KDM5A: variants seen among roughly 807,000 people sequenced by gnomAD.
The protein encoded by KDM5A is lysine-specific demethylase 5A.
In KDM5A, 42 loss-of-function variants were observed where a neutral mutation model predicts 193.5. The ratio of observed to expected loss-of-function variants is 0.22; its 90% CI spans 0.17 to 0.28. The LOEUF is 0.28. Among genes scored for constraint, KDM5A ranks in the 10% least tolerant of loss-of-function variants. The pLI, the probability that KDM5A is intolerant of heterozygous loss-of-function variation, is 1.00. For synonymous variants in KDM5A, 796 were observed against 718.1 expected, an observed-to-expected ratio of 1.11 and a Z score of -1.73; for missense variants, 1,692 against 2,055.1, an observed-to-expected ratio of 0.82 and a Z score of 3.42.
intron 8 of KDM5A, among the ~76,000 whole-genome samples, chr12:353,073 A>G (rs554510413): frequency 2.4e-4 from 37 of 152,320 alleles, no homozygotes; most frequent in African/African-American, 8.9e-4. Context: ...GGCCCGGCAC[A>G]GTGGCTCGTG....
chr12:363,378 C>A (rs2137467393), intron 4 of KDM5A, among the ~76,000 whole-genome samples: 1 of 152,230 alleles, frequency 6.6e-6, no homozygotes, highest in Non-Finnish European at 1.5e-5. Context: ...TACCATAAAG[C>A]TACAGTACTC....
At chr12:329,083 G>A in intron 13 of KDM5A, 54 bp from the exon 14 acceptor site, 2 of 1,459,300 alleles carry the variant, frequency 1.4e-6, no homozygotes, top group South Asian at 2.3e-5. Context: ...TCCCAGCACA[G>A]AACCACTACT....
chr12:384,414 G>A (rs1944614933), intron 2 of KDM5A, among the ~76,000 whole-genome samples: 2 of 152,076 alleles, frequency 1.3e-5, no homozygotes. Flanking sequence ...GATCTGAGGT[G>A]GAACAGTTTC....
rs549013512 is a variant in KDM5A at position 381,195 on chromosome 12, TGTTGGTTGG to T, written c.366+2827_366+2835del. ...TTTTAGTAGAGACGAGGTTTCTCCA[TGTTGGTTGG>T]GTTGGTCTCGAACTCCCGACCTCAA... On this transcript the variant is annotated intron_variant, in intron 3 of 27. Transcript: ENST00000399788. 3.0e-3 allele frequency among the ~76,000 whole-genome samples: 451 copies of T among 152,188 alleles called. 1 individual carries two copies. The highest frequency in any genetic ancestry group is 0.01 in the African/African-American group (431 of 41,522).
chr12:365,227 T>C (rs929804925), intron 4 of KDM5A, among the ~76,000 whole-genome samples: 1 of 152,088 alleles, frequency 6.6e-6, no homozygotes, highest in African/African-American at 2.4e-5. Context: ...TAATTTTTTG[T>C]ATTTTTAGTA....
intron 10 of KDM5A, among the ~76,000 whole-genome samples, chr12:347,673 T>C (rs1456735610): frequency 6.6e-6 from 1 of 152,220 alleles, no homozygotes; most frequent in African/African-American, 2.4e-5. Flanking sequence ...AAGGATTCCC[T>C]ATTTAATAAA....
At chr12:304,425 G>A (rs1220341387) in intron 24 of KDM5A, among the ~76,000 whole-genome samples, 4 of 142,536 alleles carry the variant, frequency 2.8e-5, no homozygotes, top group East Asian at 2.0e-4. Flanking sequence ...TGCTCTGTGG[G>A]AAAATGCTCA....
chr12:351,824 C>T (rs1463788230), intron 9 of KDM5A, among the ~76,000 whole-genome samples: 1 of 151,726 alleles, frequency 6.6e-6, no homozygotes, highest in Admixed American at 6.6e-5. Context: ...CAAAAATTGG[C>T]TGGGCGCAGT....
chr12:377,759 T>G (rs1200348662), intron 3 of KDM5A, among the ~76,000 whole-genome samples: 1 of 151,964 alleles, frequency 6.6e-6, no homozygotes, highest in Non-Finnish European at 1.5e-5. Flanking sequence ...AAAGGAAGAC[T>G]TACAACAAGG....
At chr12:371,591 C>G (rs1424687825) in intron 3 of KDM5A, among the ~76,000 whole-genome samples, 1 of 152,132 alleles carries the variant, frequency 6.6e-6, no homozygotes, top group Non-Finnish European at 1.5e-5. Flanking sequence ...TTTTGTTGTG[C>G]AGAAGTTCTT....
intron 19 of KDM5A, among the ~76,000 whole-genome samples, chr12:315,886 C>T (rs1418647437): frequency 6.6e-6 from 1 of 151,964 alleles, no homozygotes; most frequent in African/African-American, 2.4e-5. Flanking sequence ...ATCTAACAGG[C>T]GGATGATATT....
intron 19 of KDM5A, among the ~76,000 whole-genome samples, chr12:314,567 A>G (rs114213007): frequency 0.04 from 6,115 of 152,192 alleles, 379 homozygotes; most frequent in African/African-American, 0.13. Flanking sequence ...TGTAATGATA[A>G]ATGAAAGTAA....
intron 6 of KDM5A, among the ~76,000 whole-genome samples, chr12:355,969 C>T (rs1277295312): frequency 6.6e-6 from 1 of 152,182 alleles, no homozygotes; most frequent in Non-Finnish European, 1.5e-5. Context: ...CCGAGAGTAA[C>T]AGACTTACTA....
At chr12:304,497 G>A (rs1485025343) in intron 24 of KDM5A, among the ~76,000 whole-genome samples, 1 of 134,722 alleles carries the variant, frequency 7.4e-6, no homozygotes, top group East Asian at 2.3e-4. Flanking sequence ...AAAGTAAATT[G>A]GCAGGGGTAT....
At chr12:332,911 G>A (rs1943882019) in intron 12 of KDM5A, among the ~76,000 whole-genome samples, 1 of 152,128 alleles carries the variant, frequency 6.6e-6, no homozygotes, top group Non-Finnish European at 1.5e-5. Context: ...TTCAAAGTAG[G>A]ATGTAATATT....
At chr12:341,939 A>T (rs1159782671) in intron 10 of KDM5A, among the ~76,000 whole-genome samples, 1 of 148,154 alleles carries the variant, frequency 6.7e-6, no homozygotes, top group Non-Finnish European at 1.5e-5. Context: ...GGGGGAAAAA[A>T]AGACATGGGA....
chr12:369,492 G>A lies in KDM5A; in HGVS notation c.367-3388C>T, dbSNP rs189242521. On this transcript the variant is annotated intron_variant, in intron 3 of 27. Transcript: ENST00000399788. ...GAACATAATATATAAATTTTGAAGG[G>A]ATAAATATTGTAGAAGAAATTAAAA... is the stretch of plus-strand genomic sequence containing the variant. 2.0e-5 allele frequency among the ~76,000 whole-genome samples: 3 copies of A among 152,176 alleles called. No individual in the cohort carries two copies. In the East Asian group the frequency reaches 5.8e-4, roughly 29 times the overall value.
At chr12:288,994 C>T (rs1224629330) in intron 27 of KDM5A, among the ~76,000 whole-genome samples, 3 of 152,174 alleles carry the variant, frequency 2.0e-5, no homozygotes, top group Non-Finnish European at 4.4e-5. Context: ...GAGATATGAA[C>T]TAGTAAAGCC....
chr12:284,016 C>G lies in KDM5A; in HGVS notation c.*1440G>C, dbSNP rs1943186574. On this transcript the variant is annotated 3_prime_UTR_variant, in exon 28 of 28. Transcript: ENST00000399788. ...TTTCCCAACAGACAGGGACAAGTCC[C>G]AACACACAAAGGACATATAATTATC... 8.6e-6 allele frequency: 2 copies of G among 232,944 alleles called. No individual in the cohort carries two copies. Among genetic ancestry groups the G allele is most frequent in the Non-Finnish European group, 1.7e-5 (2 of 117,832 alleles). 14.4% of individuals were successfully genotyped at this position (232,944 alleles called of 1,614,324 possible). A position where few individuals can be genotyped will look rare whatever the true frequency, so the allele number is the denominator to read the frequency against.
Sources: gnomAD v4.1 joint callset for allele counts (sites outside exome capture counted in the v4.1 genomes callset) on GRCh38, gnomAD v4.1.1 for gene constraint, MANE v1.5 for transcripts, NCBI Gene and HGNC (gene_info 2026-07-23, HGNC 2026-07-21) for gene names.